Variants in PPP4R3B observed in about 807,000 individuals in gnomAD.
The protein encoded by PPP4R3B is serine/threonine-protein phosphatase 4 regulatory subunit 3B.
Under a neutral mutation model 95.4 loss-of-function variants are expected in PPP4R3B, and 52 were observed. That is an observed-to-expected ratio of 0.54 (90% CI 0.44 to 0.69). The LOEUF (loss-of-function observed/expected upper bound fraction) is 0.69, where lower values mean the gene tolerates loss of function less well. Ranked by LOEUF, PPP4R3B falls within the 30% of genes least tolerant of loss-of-function variation. The pLI is 0.00. For synonymous variants in PPP4R3B, 407 were observed against 343.9 expected (o/e 1.18, Z -2.03); for missense variants, 1,003 against 1,005.9 (o/e 1.00, Z 0.04).
intron 15 of PPP4R3B, among the ~76,000 whole-genome samples, chr2:55,561,401 CAT>C (rs1472229460): frequency 6.6e-6 from 1 of 152,228 alleles, no homozygotes; most frequent in Non-Finnish European, 1.5e-5. Context: ...GGAGCCCCCA[CAT>C]AGAGTCCCCA....
chr2:55,566,729 C>G (rs1385646582), intron 13 of PPP4R3B, among the ~76,000 whole-genome samples: 1 of 152,100 alleles, frequency 6.6e-6, no homozygotes, highest in Non-Finnish European at 1.5e-5. Context: ...TATTTCCAGC[C>G]AGGTGCAGTG....
At chr2:55,594,255 G>T (rs1391386197) in intron 4 of PPP4R3B, among the ~76,000 whole-genome samples, 1 of 148,444 alleles carries the variant, frequency 6.7e-6, no homozygotes, top group Non-Finnish European at 1.5e-5. Context: ...CATTACTCAT[G>T]CAATACCCAT....
In PPP4R3B at chr2:55,598,294, C is replaced by CTT. The variant is rs1318995828; in HGVS notation, c.921+120_921+121dup. 6.0e-6 allele frequency: 6 copies of CTT among 999,606 alleles called. No individual in the cohort carries two copies. In the Admixed American group the frequency reaches 1.8e-4, roughly 29 times the overall value. 61.9% of individuals were successfully genotyped at this position (999,606 alleles called of 1,614,324 possible). ...ATTTCTTTTGTTTACTTTAAATGTA[C>CTT]TTAATAGTACATTTAAACAAAATAA... is the stretch of plus-strand genomic sequence containing the variant. On this transcript the variant is annotated intron_variant, in intron 4 of 16. Transcript: ENST00000616407.
At chr2:55,608,179 A>G (rs771640812) in intron 2 of PPP4R3B, among the ~76,000 whole-genome samples, 35 of 152,102 alleles carry the variant, frequency 2.3e-4, no homozygotes, top group Non-Finnish European at 4.6e-4. Flanking sequence ...TAATTTTTGT[A>G]TTTTTAGTAG....
At chr2:55,598,131 A>C (rs1268447187) in intron 4 of PPP4R3B, among the ~76,000 whole-genome samples, 1 of 152,064 alleles carries the variant, frequency 6.6e-6, no homozygotes, top group African/African-American at 2.4e-5. Flanking sequence ...GAGGAAGAAG[A>C]ATTGCTTGAA....
At chr2:55,578,486 A>T in intron 9 of PPP4R3B, 144 bp from the exon 10 acceptor site, 1 of 865,224 alleles carries the variant, frequency 1.2e-6, no homozygotes, top group Non-Finnish European at 1.5e-6. Flanking sequence ...CATTTATATA[A>T]ATGGAACCAT....
At chr2:55,576,773 G>A (rs1285064374) in intron 11 of PPP4R3B, among the ~76,000 whole-genome samples, 3 of 152,178 alleles carry the variant, frequency 2.0e-5, no homozygotes, top group Admixed American at 1.3e-4. Flanking sequence ...TTATAACGGG[G>A]ACAAGAAATT....
chr2:55,569,066 T>C (rs1289529359), intron 12 of PPP4R3B, among the ~76,000 whole-genome samples: 1 of 152,176 alleles, frequency 6.6e-6, no homozygotes, highest in Admixed American at 6.5e-5. Context: ...CAGTAATTAT[T>C]CTTTATTCCA....
At chr2:55,616,943 G>A (rs1366237604) in intron 1 of PPP4R3B, among the ~76,000 whole-genome samples, 1 of 152,092 alleles carries the variant, frequency 6.6e-6, no homozygotes, top group Non-Finnish European at 1.5e-5. Flanking sequence ...AAGAGAGATG[G>A]GAGAAGGACA....
chr2:55,577,297 G>A lies in PPP4R3B; in HGVS notation c.1606+18C>T, dbSNP rs1004396018. ...TTTATAATTTGCATGTATTCATAAA[G>A]TATGAATTCATACTTACCGGGACAA... On this transcript the variant is annotated intron_variant, in intron 11 of 16. Transcript: ENST00000616407. 8.1e-5 allele frequency: 126 copies of A among 1,552,078 alleles called. No homozygotes were observed. The highest frequency in any genetic ancestry group is 1.1e-4 in the Non-Finnish European group (122 of 1,155,746).
intron 15 of PPP4R3B, among the ~76,000 whole-genome samples, chr2:55,560,326 AG>A (rs2103872439): frequency 6.6e-6 from 1 of 152,234 alleles, no homozygotes; most frequent in East Asian, 1.9e-4. Flanking sequence ...GATGGAGGTG[AG>A]GAACTTATTC....
intron 2 of PPP4R3B, among the ~76,000 whole-genome samples, chr2:55,607,351 G>A (rs1237026687): frequency 6.6e-6 from 1 of 152,162 alleles, no homozygotes; most frequent in Non-Finnish European, 1.5e-5. Context: ...TACTTCTAAT[G>A]CCAATTGCAA....
chr2:55,583,022 T>A (rs902762943), intron 7 of PPP4R3B, among the ~76,000 whole-genome samples: 2 of 152,122 alleles, frequency 1.3e-5, no homozygotes, highest in Non-Finnish European at 2.9e-5. Flanking sequence ...TTTCCTTTCA[T>A]CTTAATACAT....
chr2:55,574,707 C>T (rs1688423010), intron 11 of PPP4R3B, among the ~76,000 whole-genome samples: 2 of 151,480 alleles, frequency 1.3e-5, no homozygotes, highest in Non-Finnish European at 2.9e-5. Flanking sequence ...CATTCTCCTG[C>T]CTTAGCCTCC....
At chr2:55,603,371 C>T (rs1192550372) in intron 3 of PPP4R3B, among the ~76,000 whole-genome samples, 1 of 152,102 alleles carries the variant, frequency 6.6e-6, no homozygotes, top group Non-Finnish European at 1.5e-5. Context: ...ATAAATTATC[C>T]ACCATATAAA....
At chr2:55,585,232 TC>T in intron 6 of PPP4R3B, 65 bp from the exon 7 acceptor site, 8 of 1,260,912 alleles carry the variant, frequency 6.3e-6, no homozygotes, top group Non-Finnish European at 7.7e-6. Context: ...ATTTCTTTTT[TC>T]TTTTCCAAAT....
Position 55,558,891 on chromosome 2 carries a change from C to A in PPP4R3B, c.2338G>T (p.Ala780Ser). 6.2e-7 allele frequency: 1 copy of A among 1,614,060 alleles called. No homozygotes were observed. Residue 780 changes from alanine to serine, a missense_variant, in exon 16 of 17, where the codon GCC becomes TCC. Ala to Ser is a moderately conservative substitution (Grantham distance 99, BLOSUM62 1). Around this residue, in one of 3 missense-constraint regions of PPP4R3B, gnomAD observed 229 missense variants for 194.7 expected, o/e 1.18. Transcript: ENST00000616407. ...CTGTTTGTTCCATTAGCAGCACTGGCAGAGTGGGAGAAAGTAAATTTGAAG... is the reference window on the plus strand; with the variant it reads ...CTGTTTGTTCCATTAGCAGCACTGGAAGAGTGGGAGAAAGTAAATTTGAAG... ...GGFKFTFSHS[A>S]SAANGTNSKS...
In PPP4R3B at chr2:55,558,804, T is replaced by C. The variant is rs1686191172; in HGVS notation, c.2425A>G (p.Asn809Asp). 1 of 1,612,020 alleles carries C rather than the reference T, an allele frequency of 6.2e-7. No homozygotes were observed. Among genetic ancestry groups the C allele is most frequent in the Non-Finnish European group, 8.5e-7 (1 of 1,178,766 alleles). The change falls in exon 16 of 17, where the codon AAC (asparagine) becomes GAC (aspartate). Residue 809 changes from asparagine (N) to aspartate (D), a missense_variant. By Grantham distance (23) the Asn-to-Asp change is conservative (BLOSUM62 1). Around this residue, in one of 3 missense-constraint regions of PPP4R3B, gnomAD observed 229 missense variants for 194.7 expected, o/e 1.18. Transcript: ENST00000616407. Reference sequence around the variant, plus strand: ...GTGGCTGTTACTGACGTAGGCAAGTTTGTGGTTTTGGAAGAGGATCCATTA... The same window carrying C: ...GTGGCTGTTACTGACGTAGGCAAGTCTGTGGTTTTGGAAGAGGATCCATTA... The part of the protein sequence containing the change: ...TSNGSSSKTT[N>D]LPTSVTATKG...
chr2:55,613,145 G>C (rs1265144251), intron 2 of PPP4R3B, among the ~76,000 whole-genome samples: 2 of 152,008 alleles, frequency 1.3e-5, no homozygotes, highest in Non-Finnish European at 1.5e-5. Context: ...TTGAAGATTT[G>C]GGTGAAAATA....
Sources: gnomAD v4.1 joint callset for allele counts (sites outside exome capture counted in the v4.1 genomes callset) on GRCh38, gnomAD v4.1.1 for gene constraint, gnomAD v4.1.1 regional missense constraint, MANE v1.5 for transcripts, NCBI Gene and HGNC (gene_info 2026-07-23, HGNC 2026-07-21) for gene names.